KLHL5: variants seen among roughly 807,000 people sequenced by gnomAD.
KLHL5 encodes the protein kelch-like protein 5.
Under a neutral mutation model 77.7 loss-of-function variants are expected in KLHL5, and 48 were observed. That is an observed-to-expected ratio of 0.62 (90% CI 0.49 to 0.79). The LOEUF (loss-of-function observed/expected upper bound fraction) is 0.79. KLHL5 is among the 30% of genes least tolerant of loss of function. KLHL5 has a pLI of 0.00. For missense variants in KLHL5, 723 were observed against 859.7 expected (o/e 0.84, Z 1.99); for synonymous variants, 260 against 297.0 (o/e 0.88, Z 1.28).
chr4:39,089,749 A>C (rs905735854), intron 5 of KLHL5, among the ~76,000 whole-genome samples: 6 of 152,344 alleles, frequency 3.9e-5, no homozygotes, highest in African/African-American at 1.4e-4. Flanking sequence ...TTGGAAATAC[A>C]GATTAGGCCT....
chr4:39,056,166 G>A (rs1239008933), intron 1 of KLHL5, among the ~76,000 whole-genome samples: 4 of 152,148 alleles, frequency 2.6e-5, no homozygotes, highest in Non-Finnish European at 5.9e-5. Flanking sequence ...CCTGTTGCCC[G>A]AGCAGCCGTG....
At position 39,124,876 on chromosome 4, in the gene KLHL5, A is replaced by G. The variant is rs1206677367; in HGVS notation, c.*3810A>G. 6.6e-6 allele frequency among the ~76,000 whole-genome samples: 1 copy of G among 151,548 alleles called. No homozygotes were observed. The highest frequency in any genetic ancestry group is 6.6e-5 in the Admixed American group (1 of 15,188). ...CAAGGGACACTATGAAGAAAGTGAA[A>G]AGACAACCCACAGAATGGGAGAAAA... On this transcript the variant is annotated 3_prime_UTR_variant, in exon 11 of 11. Transcript: ENST00000504108.
rs62296101 is a variant in KLHL5, at chr4:39,047,331, T to C, written c.-95+2235T>C. On this transcript the variant is annotated intron_variant, in intron 1 of 11. Coordinates refer to the KLHL5 transcript ENST00000261425. ...TACTAAGGAGGCTGAAGGAGGAGAA[T>C]CGCTTGAACCTGAGAGGTGGAGGTT... 5.1e-3 allele frequency among the ~76,000 whole-genome samples: 771 copies of C among 152,226 alleles called. 2 individuals carry two copies. The highest frequency in any genetic ancestry group is 0.01 in the Middle Eastern group (3 of 294).
chr4:39,086,833 C>A, intron 5 of KLHL5, 106 bp downstream of exon 5: 1 of 782,360 alleles, frequency 1.3e-6, no homozygotes, highest in Non-Finnish European at 2.1e-6. Flanking sequence ...AGATAGTGAG[C>A]TAACAAAATT....
At chr4:39,101,144 A>ATATATATATATATC (rs1560432495) in intron 6 of KLHL5, among the ~76,000 whole-genome samples, 2 of 148,160 alleles carry the variant, frequency 1.3e-5, no homozygotes, top group Admixed American at 6.7e-5. Context: ...ATATATATAT[A>ATATATATATATATC]TATCTACCTG....
chr4:39,142,683 C>T, the KLHL5 span, among the ~76,000 whole-genome samples: 2 of 151,734 alleles, frequency 1.3e-5, no homozygotes, highest in African/African-American at 4.8e-5. Context: ...GGTTAAAGAA[C>T]CTATGGGACA....
chr4:39,065,612 C>T (rs540975074), intron 1 of KLHL5, among the ~76,000 whole-genome samples: 1 of 152,202 alleles, frequency 6.6e-6, no homozygotes, highest in African/African-American at 2.4e-5. Context: ...CGTCCGCCTC[C>T]CAAAGTGCTG....
At chr4:39,059,389 G>A (rs1449225821), upstream of KLHL5, among the ~76,000 whole-genome samples, 1 of 152,104 alleles carries the variant, frequency 6.6e-6, no homozygotes, top group East Asian at 1.9e-4. Context: ...CATTAATAAT[G>A]AAGAAAATGT....
chr4:39,053,257 C>CTACA (rs1418857408), intron 1 of KLHL5, among the ~76,000 whole-genome samples: 1 of 152,144 alleles, frequency 6.6e-6, no homozygotes, highest in Non-Finnish European at 1.5e-5. Flanking sequence ...TGGATTGGTC[C>CTACA]TACAGCAGAA....
chr4:39,119,864 TG>T (rs1165757819), intron 10 of KLHL5, among the ~76,000 whole-genome samples: 1 of 152,234 alleles, frequency 6.6e-6, no homozygotes, highest in Non-Finnish European at 1.5e-5. Context: ...ACTGACATTT[TG>T]ATATAAATGA....
At chr4:39,118,243 G>A (rs989456233) in intron 10 of KLHL5, among the ~76,000 whole-genome samples, 8 of 151,944 alleles carry the variant, frequency 5.3e-5, no homozygotes, top group African/African-American at 1.7e-4. Context: ...TGGTATTTTC[G>A]CACTGTACAG....
the KLHL5 span, among the ~76,000 whole-genome samples, chr4:39,136,768 C>G: frequency 6.6e-6 from 1 of 152,196 alleles, no homozygotes. Flanking sequence ...GGGAAGGTGC[C>G]TGTCCAGGGG....
In KLHL5 at chr4:39,091,932, G is replaced by A. The variant is rs1720619714; in HGVS notation, c.1114-4760G>A. Reference sequence around the variant, plus strand: ...ACTCCTGGCCTCAAGCAATCCTCCCGCCTAAGCCTCCCAATATGCTGGGAT... The same window carrying A: ...ACTCCTGGCCTCAAGCAATCCTCCCACCTAAGCCTCCCAATATGCTGGGAT... On this transcript the variant is annotated intron_variant, in intron 5 of 10. Coordinates refer to ENST00000504108, the MANE Select transcript of KLHL5 (RefSeq NM_015990.5). Among the ~76,000 whole-genome samples, 4 of 124,080 alleles carry A rather than the reference G, an allele frequency of 3.2e-5. No individual in the cohort carries two copies. In the South Asian group the frequency reaches 1.1e-3, roughly 34 times the overall value. 81.4% of individuals were successfully genotyped at this position (124,080 alleles called of 152,430 possible). A position where few individuals can be genotyped will look rare whatever the true frequency, so the allele number is the denominator to read the frequency against.
the KLHL5 span, among the ~76,000 whole-genome samples, chr4:39,137,608 A>T: frequency 1.1e-4 from 17 of 152,188 alleles, 1 homozygote; most frequent in African/African-American, 3.9e-4. Flanking sequence ...TGATGGAATG[A>T]GACCCTGTCT....
downstream of KLHL5, among the ~76,000 whole-genome samples, chr4:39,126,315 A>G (rs559136937): frequency 2.8e-4 from 43 of 152,342 alleles, no homozygotes; most frequent in African/African-American, 8.9e-4. Context: ...CAGGCTACTT[A>G]TGGCATTTTC....
intron 8 of KLHL5, among the ~76,000 whole-genome samples, chr4:39,108,164 T>C (rs1722187546): frequency 6.6e-6 from 1 of 152,082 alleles, no homozygotes; most frequent in Non-Finnish European, 1.5e-5. Context: ...TTTACCTCTT[T>C]TCTTTCTTAT....
Position 39,116,004 on chromosome 4 carries a change from G to T in KLHL5, c.2073+674G>T, listed in dbSNP as rs539694015. ...TGTTTAACTGAGCCAAGATTTTCTTGTATACAAGGAGCCATGATAAGTATG... is the reference window on the plus strand; with the variant it reads ...TGTTTAACTGAGCCAAGATTTTCTTTTATACAAGGAGCCATGATAAGTATG... On this transcript the variant is annotated intron_variant, in intron 10 of 10. Coordinates refer to ENST00000504108, the MANE Select transcript of KLHL5 (RefSeq NM_015990.5). The T allele has an allele frequency of 8.1e-6, 8 of 985,624 alleles. No homozygotes were observed. The East Asian group carries it at 9.1e-4, about 112-fold the overall frequency. 61.1% of individuals were successfully genotyped at this position (985,624 alleles called of 1,614,324 possible).
chr4:39,062,272 G>A lies in KLHL5; in HGVS notation c.-381G>A, dbSNP rs569036923. 574 of 1,318,338 alleles carry A rather than the reference G, an allele frequency of 4.4e-4. 1 individual carries two copies. The highest frequency in any genetic ancestry group is 6.6e-4 in the Admixed American group (18 of 27,226). The allele number at this position is 1,318,338 out of a possible 1,614,324, so 81.7% of individuals were successfully genotyped here. On this transcript the variant is annotated 5_prime_UTR_variant, in exon 1 of 11. Coordinates refer to ENST00000504108, the MANE Select transcript of KLHL5 (RefSeq NM_015990.5). Reference sequence around the variant, plus strand: ...GTGTTTTCTGTCTCTGTCATTTGTGGTTTAAGAAAAAGGGGGTGGTGTTCT... The same window carrying A: ...GTGTTTTCTGTCTCTGTCATTTGTGATTTAAGAAAAAGGGGGTGGTGTTCT...
rs1723258059 is a variant in KLHL5, at chr4:39,122,411, C to A, written c.*1345C>A. Among the ~76,000 whole-genome samples, 1 of 152,036 alleles carries A rather than the reference C, an allele frequency of 6.6e-6. No homozygotes were observed. The highest frequency in any genetic ancestry group is 1.5e-5 in the Non-Finnish European group (1 of 68,004). On this transcript the variant is annotated 3_prime_UTR_variant, in exon 11 of 11. Coordinates refer to ENST00000504108, the MANE Select transcript of KLHL5 (RefSeq NM_015990.5). Reference sequence around the variant, plus strand: ...AATTGGGGTACAGAGAAGTTAGCCCCAAGGTTATATATTGCAAGTAAGTGG... The same window carrying A: ...AATTGGGGTACAGAGAAGTTAGCCCAAAGGTTATATATTGCAAGTAAGTGG...
Sources: allele counts gnomAD v4.1 joint callset (sites outside exome capture counted in the v4.1 genomes callset), GRCh38; gene constraint gnomAD v4.1.1; transcripts MANE v1.5; gene names NCBI Gene and HGNC (gene_info 2026-07-23, HGNC 2026-07-21).